DIP2C: variants seen among roughly 807,000 people sequenced by gnomAD.
The protein encoded by DIP2C is disco-interacting protein 2 homolog C.
Under a neutral mutation model 192.4 loss-of-function variants are expected in DIP2C, and 33 were observed. The ratio of observed to expected loss-of-function variants is 0.17; its 90% CI spans 0.13 to 0.23. DIP2C has a LOEUF of 0.23. DIP2C is among the 10% of genes least tolerant of loss of function. DIP2C has a pLI of 1.00. For missense variants in DIP2C, 1,537 were observed against 2,110.1 expected (o/e 0.73, Z 5.32); for synonymous variants, 979 against 864.1 (o/e 1.13, Z -2.33).
In DIP2C at chr10:422,799, G is replaced by A. The variant is rs535445259; in HGVS notation, c.604+25C>T. ...CAAAGGCGTTTACACAACAGGCACA[G>A]AAAGACACCGTGAAGCGTGCTCACC... On this transcript the variant is annotated intron_variant, in intron 5 of 36. Transcript: ENST00000280886. 1.0e-5 allele frequency: 16 copies of A among 1,602,040 alleles called. No homozygotes were observed. The African/African-American group carries it at 1.6e-4, about 16-fold the overall frequency.
chr10:365,025 A>G (rs769678800), intron 19 of DIP2C: 7 of 531,020 alleles, frequency 1.3e-5, no homozygotes, highest in Admixed American at 9.8e-5. Flanking sequence ...AAGTATGCTG[A>G]AAAGAAAAAT....
chr10:363,057 T>C lies in DIP2C; in HGVS notation c.2592+140A>G. 1.4e-6 allele frequency: 1 copy of C among 701,254 alleles called. No individual in the cohort carries two copies. Among genetic ancestry groups the C allele is most frequent in the Non-Finnish European group, 2.4e-6 (1 of 424,590 alleles). 43.4% of individuals were successfully genotyped at this position (701,254 alleles called of 1,614,324 possible). On this transcript the variant is annotated intron_variant, in intron 21 of 36. Coordinates refer to ENST00000280886, the MANE Select transcript of DIP2C (RefSeq NM_014974.3). This position sits in a 1 kb window ranked among gnomAD's most constrained non-coding sequence, Gnocchi z 5.4. ...TGAGCTAGTTTCTGGACACTTGATG[T>C]AGTTCCTGATCAAATGAAGGGAAGG...
intron 1 of DIP2C, among the ~76,000 whole-genome samples, chr10:599,324 G>C (rs143540539): frequency 6.6e-6 from 1 of 152,296 alleles, no homozygotes; most frequent in East Asian, 1.9e-4. Context: ...GAACACACAG[G>C]TAAGTGAGTT....
At chr10:558,170 C>G (rs1337594112) in intron 1 of DIP2C, among the ~76,000 whole-genome samples, 1 of 152,166 alleles carries the variant, frequency 6.6e-6, no homozygotes, top group Non-Finnish European at 1.5e-5. Context: ...CAAATACTAA[C>G]TATGATAAAG....
chr10:374,818 G>A (rs774084798), intron 17 of DIP2C, among the ~76,000 whole-genome samples: 22 of 152,188 alleles, frequency 1.4e-4, no homozygotes, highest in Middle Eastern at 3.2e-3. Flanking sequence ...GGCAGAATTC[G>A]AGGGGGTTTA....
intron 1 of DIP2C, among the ~76,000 whole-genome samples, chr10:603,298 C>CAAAAA (rs71376842): frequency 0.01 from 468 of 45,868 alleles, 68 homozygotes; most frequent in African/African-American, 0.013. Flanking sequence ...GACTCCATCT[C>CAAAAA]AAAAAAAAAA....
chr10:575,380 T>G (rs816630), intron 1 of DIP2C, among the ~76,000 whole-genome samples: 3,310 of 152,290 alleles, frequency 0.022, 118 homozygotes, highest in African/African-American at 0.076. Context: ...CTTCAGGGCA[T>G]ATGATTTCTG....
chr10:560,730 CT>C (rs1849165964), intron 1 of DIP2C, among the ~76,000 whole-genome samples: 1 of 152,192 alleles, frequency 6.6e-6, no homozygotes, highest in African/African-American at 2.4e-5. Context: ...CTAGGCCCCC[CT>C]GGCCATCTCA....
chr10:406,859 G>A (rs1214921114), intron 9 of DIP2C, among the ~76,000 whole-genome samples: 1 of 152,028 alleles, frequency 6.6e-6, no homozygotes, highest in African/African-American at 2.4e-5. Context: ...TGCAGACCCT[G>A]CACTGGATGG....
At chr10:317,936 T>C (rs1352766493) in intron 31 of DIP2C, among the ~76,000 whole-genome samples, 1 of 152,214 alleles carries the variant, frequency 6.6e-6, no homozygotes, top group Non-Finnish European at 1.5e-5. Context: ...AGAATATCAG[T>C]GATGGAACCA....
intron 1 of DIP2C, among the ~76,000 whole-genome samples, chr10:509,059 TC>T (rs1371266910): frequency 1.3e-5 from 2 of 152,138 alleles, no homozygotes; most frequent in Non-Finnish European, 2.9e-5. Flanking sequence ...ACCGGCCTGT[TC>T]CAGGGACTGC....
intron 24 of DIP2C, among the ~76,000 whole-genome samples, chr10:353,724 G>T (rs891389407): frequency 6.6e-6 from 1 of 152,136 alleles, no homozygotes; most frequent in African/African-American, 2.4e-5. Flanking sequence ...AGCAAGACCG[G>T]GCCAAATTCA....
chr10:286,424 A>C, intron 33 of DIP2C, 77 bp from the exon 34 acceptor site: 364 of 1,280,134 alleles, frequency 2.8e-4, no homozygotes, highest in Non-Finnish European at 3.6e-4. Context: ...CCTCAATCTC[A>C]TCTTTATGCC....
intron 1 of DIP2C, among the ~76,000 whole-genome samples, chr10:569,044 T>TG (rs778938312): frequency 1.1e-4 from 17 of 152,328 alleles, no homozygotes; most frequent in East Asian, 5.8e-4. Context: ...AGTGGGCTCC[T>TG]GCTCACTGCA....
At chr10:599,557 G>T (rs964168086) in intron 1 of DIP2C, among the ~76,000 whole-genome samples, 1 of 152,168 alleles carries the variant, frequency 6.6e-6, no homozygotes, top group African/African-American at 2.4e-5. Flanking sequence ...GTCAGTGAAC[G>T]AAAGGCAGTG....
At position 522,765 on chromosome 10, in the gene DIP2C, G is replaced by C. The variant is rs189207074; in HGVS notation, c.86-36235C>G. On this transcript the variant is annotated intron_variant, in intron 1 of 36. Coordinates refer to ENST00000280886, the MANE Select transcript of DIP2C (RefSeq NM_014974.3). ...TTGGGTTTTGAGAGTTCCTTGCATG[G>C]TTTGGATAACAGCCTTTATCAGATG... 3.3e-3 allele frequency among the ~76,000 whole-genome samples: 496 copies of C among 152,322 alleles called. 2 individuals carry two copies. The highest frequency in any genetic ancestry group is 0.011 in the African/African-American group (473 of 41,576).
intron 9 of DIP2C, among the ~76,000 whole-genome samples, chr10:406,735 G>C (rs1964831373): frequency 6.6e-6 from 1 of 152,014 alleles, no homozygotes; most frequent in South Asian, 2.1e-4. Flanking sequence ...AGAAATTACT[G>C]CATGACCCTA....
intron 1 of DIP2C, among the ~76,000 whole-genome samples, chr10:517,916 CCA>C (rs909980031): frequency 1.3e-5 from 2 of 152,206 alleles, no homozygotes; most frequent in Non-Finnish European, 2.9e-5. Flanking sequence ...TGCAGTTTCA[CCA>C]CAAAGTATTT....
At chr10:378,218 A>G (rs1265069869) in intron 17 of DIP2C, among the ~76,000 whole-genome samples, 1 of 152,248 alleles carries the variant, frequency 6.6e-6, no homozygotes, top group Non-Finnish European at 1.5e-5. Flanking sequence ...AGTTTTAAAG[A>G]GAAAAAAATA....
Sources: allele counts gnomAD v4.1 joint callset (sites outside exome capture counted in the v4.1 genomes callset), GRCh38; gene constraint gnomAD v4.1.1; non-coding constraint Gnocchi (gnomAD v3.1); transcripts MANE v1.5; gene names NCBI Gene and HGNC (gene_info 2026-07-23, HGNC 2026-07-21).